The following ZNF385B variants were observed in gnomAD, a reference collection of about 807,000 sequenced individuals.
The protein encoded by ZNF385B is zinc finger protein 385B, also known as zinc finger protein 533.
Under a neutral mutation model 39.2 loss-of-function variants are expected in ZNF385B, and 23 were observed. That is an observed-to-expected ratio of 0.59 (90% CI 0.42 to 0.83). The LOEUF is 0.83. Ranked by LOEUF, ZNF385B falls within the 40% of genes least tolerant of loss-of-function variation. The pLI is 0.00. For synonymous variants in ZNF385B, 205 were observed against 222.6 expected (o/e 0.92, Z 0.70); for missense variants, 552 against 598.9 (o/e 0.92, Z 0.82).
chr2:179,785,450 T>G lies in ZNF385B; in HGVS notation c.-154-14778A>C, dbSNP rs145906894. ...TATGGCTGCCATCAATAGTGAGTCCTCTGGTGAATCCAAAGAAAATAAATC... is the reference window on the plus strand; with the variant it reads ...TATGGCTGCCATCAATAGTGAGTCCGCTGGTGAATCCAAAGAAAATAAATC... On this transcript the variant is annotated intron_variant, in intron 1 of 9. Coordinates refer to ENST00000410066, the MANE Select transcript of ZNF385B (RefSeq NM_152520.6). Among the ~76,000 whole-genome samples the G allele has an allele frequency of 5.7e-3, 867 of 152,274 alleles. 5 individuals carry two copies. The highest frequency in any genetic ancestry group is 0.02 in the African/African-American group (831 of 41,574).
At chr2:179,829,721 G>A (rs1319759000) in intron 1 of ZNF385B, among the ~76,000 whole-genome samples, 1 of 152,246 alleles carries the variant, frequency 6.6e-6, no homozygotes, top group Non-Finnish European at 1.5e-5. Context: ...CACCGTGTTA[G>A]CCACGATGGT....
intron 3 of ZNF385B, among the ~76,000 whole-genome samples, chr2:179,745,522 C>A (rs1702326274): frequency 6.6e-6 from 1 of 152,158 alleles, no homozygotes; most frequent in Admixed American, 6.5e-5. Flanking sequence ...TTATCACACC[C>A]ATGTAAGGAG....
At chr2:179,507,652 GAGGGTA>G (rs1559366607) in intron 5 of ZNF385B, among the ~76,000 whole-genome samples, 2 of 152,120 alleles carry the variant, frequency 1.3e-5, no homozygotes, top group African/African-American at 4.8e-5. Context: ...CCAGATATAG[GAGGGTA>G]TTTCTCAGAT....
In ZNF385B at chr2:179,604,069, A is replaced by G. The variant is rs1688613242; in HGVS notation, c.299-59100T>C. 2.0e-5 allele frequency among the ~76,000 whole-genome samples: 3 copies of G among 152,162 alleles called. No homozygotes were observed. The South Asian group carries it at 6.2e-4, about 32-fold the overall frequency. On this transcript the variant is annotated intron_variant, in intron 3 of 9. Coordinates refer to ENST00000410066, the MANE Select transcript of ZNF385B (RefSeq NM_152520.6). ...ACCAATATTTCTTCTACTGCAGATA[A>G]TTTATTGGAAATGAAATCCAAGTAT...
rs1346808450 is a variant in ZNF385B, at chr2:179,792,370, C to CTTTTTTTTTT, written c.-154-21699_-154-21698insAAAAAAAAAA. Among the ~76,000 whole-genome samples, 277 of 70,456 alleles carry CTTTTTTTTTT rather than the reference C, an allele frequency of 3.9e-3. 19 individuals carry two copies. Among genetic ancestry groups the CTTTTTTTTTT allele is most frequent in the South Asian group, 5.4e-3 (9 of 1,656 alleles). 46.2% of individuals were successfully genotyped at this position (70,456 alleles called of 152,430 possible). ...CTGAAGAAGTAGGCCATTTCATTTT[C>CTTTTTTTTTT]TTTTCTTTTTTTTTTTTTTTTGAGA... On this transcript the variant is annotated intron_variant, in intron 1 of 9. Transcript: ENST00000410066.
chr2:179,648,818 G>T (rs1319521361), intron 3 of ZNF385B, among the ~76,000 whole-genome samples: 1 of 152,054 alleles, frequency 6.6e-6, no homozygotes, highest in Non-Finnish European at 1.5e-5. Context: ...GATAGTAAGG[G>T]GTTATAACTC....
At chr2:179,736,096 G>GA (rs200626790) in intron 3 of ZNF385B, among the ~76,000 whole-genome samples, 10 of 151,572 alleles carry the variant, frequency 6.6e-5, no homozygotes, top group Admixed American at 3.3e-4. Flanking sequence ...ATTTAAATGT[G>GA]AAAAAGAAAA....
intron 3 of ZNF385B, among the ~76,000 whole-genome samples, chr2:179,762,673 T>C (rs911934027): frequency 1.3e-5 from 2 of 152,200 alleles, no homozygotes; most frequent in African/African-American, 4.8e-5. Context: ...TAATGTGTTG[T>C]CTGATTTGGG....
chr2:179,486,584 C>T (rs144171587), intron 5 of ZNF385B, among the ~76,000 whole-genome samples: 6 of 152,204 alleles, frequency 3.9e-5, no homozygotes, highest in African/African-American at 1.4e-4. Flanking sequence ...GGGAAATATG[C>T]TAATATTAAA....
intron 1 of ZNF385B, among the ~76,000 whole-genome samples, chr2:179,827,784 G>T (rs1256159238): frequency 6.6e-6 from 1 of 152,066 alleles, no homozygotes; most frequent in Non-Finnish European, 1.5e-5. Flanking sequence ...CCTATGAATT[G>T]TCACGACGTG....
intron 1 of ZNF385B, among the ~76,000 whole-genome samples, chr2:179,771,006 A>G (rs1406597880): frequency 6.6e-6 from 1 of 152,186 alleles, no homozygotes; most frequent in African/African-American, 2.4e-5. Context: ...AAATAAAAAG[A>G]CACTTCCCAA....
intron 1 of ZNF385B, among the ~76,000 whole-genome samples, chr2:179,853,285 T>G (rs771807997): frequency 1.3e-5 from 2 of 152,218 alleles, no homozygotes; most frequent in African/African-American, 2.4e-5. Context: ...TTACATAAAC[T>G]GGCTTCTCTA....
At chr2:179,537,619 T>C (rs143459629) in intron 4 of ZNF385B, among the ~76,000 whole-genome samples, 3,118 of 152,126 alleles carry the variant, frequency 0.02, 54 homozygotes, top group Non-Finnish European at 0.031. Context: ...CGTGCATCTG[T>C]AGTTCCAGCT....
intron 1 of ZNF385B, among the ~76,000 whole-genome samples, chr2:179,776,031 T>A (rs1273250825): frequency 6.6e-6 from 1 of 152,204 alleles, no homozygotes; most frequent in East Asian, 1.9e-4. Flanking sequence ...CATGACCACA[T>A]CTTACCTCTG....
At chr2:179,578,795 A>G (rs1686153554) in intron 3 of ZNF385B, among the ~76,000 whole-genome samples, 2 of 152,104 alleles carry the variant, frequency 1.3e-5, no homozygotes, top group African/African-American at 2.4e-5. Flanking sequence ...TGACATTTAC[A>G]TTGCTAATAA....
At chr2:179,511,703 T>A (rs1466071311) in intron 5 of ZNF385B, among the ~76,000 whole-genome samples, 1 of 152,198 alleles carries the variant, frequency 6.6e-6, no homozygotes, top group Non-Finnish European at 1.5e-5. Context: ...CCATTTTAAC[T>A]TCTAAGCAAA....
chr2:179,578,366 T>A (rs1686081416), intron 3 of ZNF385B, among the ~76,000 whole-genome samples: 1 of 152,076 alleles, frequency 6.6e-6, no homozygotes, highest in Non-Finnish European at 1.5e-5. Flanking sequence ...GAGTACACAC[T>A]ACAAGTTAAG....
At chr2:179,735,739 G>T (rs1701704612) in intron 3 of ZNF385B, among the ~76,000 whole-genome samples, 1 of 151,004 alleles carries the variant, frequency 6.6e-6, no homozygotes, top group African/African-American at 2.4e-5. Context: ...GTAGGGACAT[G>T]GATGAAATTG....
At chr2:179,642,338 G>A (rs751164605) in intron 3 of ZNF385B, among the ~76,000 whole-genome samples, 1 of 152,094 alleles carries the variant, frequency 6.6e-6, no homozygotes, top group Non-Finnish European at 1.5e-5. Flanking sequence ...TCTTCCTCTA[G>A]TTTCATTTAC....
Sources: allele counts gnomAD v4.1 joint callset (sites outside exome capture counted in the v4.1 genomes callset), GRCh38; gene constraint gnomAD v4.1.1; transcripts MANE v1.5; gene names NCBI Gene and HGNC (gene_info 2026-07-23, HGNC 2026-07-21).